TYW1: variants seen among roughly 807,000 people sequenced by gnomAD.
TYW1 encodes tRNA-yW synthesizing protein 1 homolog, also known as S-adenosyl-L-methionine-dependent tRNA 4-demethylwyosine synthase TYW1.
In TYW1, 46 loss-of-function variants were observed where a neutral mutation model predicts 96.2. The observed-to-expected ratio is 0.48, with a 90% confidence interval of 0.38 to 0.61. TYW1 has a LOEUF of 0.61. TYW1 is among the 20% of genes least tolerant of loss of function. The probability of loss-of-function intolerance (pLI) is 0.00; values close to 1 mark genes in which losing one functional copy is unlikely to be tolerated. For missense variants in TYW1, 684 were observed against 909.6 expected, an observed-to-expected ratio of 0.75 and a Z score of 3.19; for synonymous variants, 274 against 323.0, an observed-to-expected ratio of 0.85 and a Z score of 1.63.
Position 67,106,351 on chromosome 7 carries a change from T to C in TYW1, c.1562+7633T>C, listed in dbSNP as rs1797244148. Reference sequence around the variant, plus strand: ...CTTTGTTCCAGAACACTGTACCATCTGTGCATTCAGCTTTGCAGTCCTAGA... The same window carrying C: ...CTTTGTTCCAGAACACTGTACCATCCGTGCATTCAGCTTTGCAGTCCTAGA... On this transcript the variant is annotated intron_variant, in intron 12 of 15. Coordinates refer to ENST00000359626, the MANE Select transcript of TYW1 (RefSeq NM_018264.4). Among the ~76,000 whole-genome samples, 3 of 152,380 alleles carry C rather than the reference T, an allele frequency of 2.0e-5. No homozygotes were observed. In the South Asian group the frequency reaches 6.2e-4, roughly 32 times the overall value.
At chr7:67,131,884 AC>A (rs1299504123) in intron 13 of TYW1, among the ~76,000 whole-genome samples, 1 of 152,220 alleles carries the variant, frequency 6.6e-6, no homozygotes, top group African/African-American at 2.4e-5. Context: ...AGCATCCAGC[AC>A]GGGAGAAAGA....
At position 66,998,159 on chromosome 7, in the gene TYW1, C is replaced by T. The variant is rs773445171; in HGVS notation, c.99C>T (p.Ser33=). The change falls in exon 2 of 16, where the codon AGC becomes AGT. Residue 33 remains serine (S), a synonymous_variant. Transcript: ENST00000359626. ...YIYLGFAVSI[S]LWICVQIVIK... is the part of the protein sequence containing the mutation. ...ATTTGGGCTTTGCTGTTAGCATTAG[C>T]CTTTGGATTTGTGTCCAGATTGTCA... 1.1e-5 allele frequency: 18 copies of T among 1,610,768 alleles called. No homozygotes were observed. The highest frequency in any genetic ancestry group is 1.1e-5 in the South Asian group (1 of 90,062).
intron 10 of TYW1, among the ~76,000 whole-genome samples, chr7:67,077,847 G>A (rs1419187842): frequency 6.6e-6 from 1 of 152,058 alleles, no homozygotes; most frequent in Non-Finnish European, 1.5e-5. Context: ...TTTCCTCTGT[G>A]TTTTCACAGT....
chr7:67,237,031 A>G (rs1801910175), intron 15 of TYW1, among the ~76,000 whole-genome samples: 1 of 152,046 alleles, frequency 6.6e-6, no homozygotes, highest in Non-Finnish European at 1.5e-5. Context: ...GATTACATGC[A>G]CACACCACCA....
intron 12 of TYW1, among the ~76,000 whole-genome samples, chr7:67,112,100 C>CAAAAAAAAAAAAAAAAAAAAAAAA (rs538839042): frequency 2.7e-4 from 26 of 94,880 alleles, no homozygotes; most frequent in Admixed American, 1.5e-3. Flanking sequence ...CTCTGTCTGA[C>CAAAAAAAAAAAAAAAAAAAAAAAA]AAAAAAAAAA....
chr7:67,093,096 G>A (rs1244292390), intron 11 of TYW1, among the ~76,000 whole-genome samples: 2 of 152,148 alleles, frequency 1.3e-5, no homozygotes, highest in East Asian at 1.9e-4. Flanking sequence ...GAGCCCAGGA[G>A]ATTGAGACTG....
chr7:67,086,024 A>G (rs1343234055), intron 11 of TYW1, among the ~76,000 whole-genome samples: 1 of 151,952 alleles, frequency 6.6e-6, no homozygotes, highest in Non-Finnish European at 1.5e-5. Flanking sequence ...TGAATTTTCT[A>G]GGGAAAGTTG....
At chr7:67,036,040 CTT>C (rs34975904) in intron 7 of TYW1, among the ~76,000 whole-genome samples, 64 of 135,352 alleles carry the variant, frequency 4.7e-4, no homozygotes, top group African/African-American at 4.7e-4. Flanking sequence ...TTGATATTTC[CTT>C]TTTTTTTTTT....
At chr7:67,058,439 G>C (rs964883476) in intron 9 of TYW1, among the ~76,000 whole-genome samples, 1 of 152,070 alleles carries the variant, frequency 6.6e-6, no homozygotes, top group Non-Finnish European at 1.5e-5. Flanking sequence ...GAGTTGCTTG[G>C]GCAGATTCCT....
intron 13 of TYW1, among the ~76,000 whole-genome samples, chr7:67,149,737 T>TCTAC (rs905727180): frequency 1.4e-5 from 2 of 139,012 alleles, no homozygotes; most frequent in African/African-American, 2.8e-5. Flanking sequence ...TATCTATCTA[T>TCTAC]CTATCTATCT....
At chr7:67,092,055 C>T (rs1370104702) in intron 11 of TYW1, among the ~76,000 whole-genome samples, 2 of 152,182 alleles carry the variant, frequency 1.3e-5, no homozygotes, top group African/African-American at 4.8e-5. Context: ...TGGTCCTCCT[C>T]CCTGTCCTGT....
chr7:67,083,291 T>C, intron 10 of TYW1, 139 bp from the exon 11 acceptor site: 1 of 706,388 alleles, frequency 1.4e-6, no homozygotes. Context: ...AGTTGGAAAA[T>C]ACCACTATAC....
chr7:67,108,086 A>T (rs977949722), intron 12 of TYW1, among the ~76,000 whole-genome samples: 3 of 152,136 alleles, frequency 2.0e-5, no homozygotes, highest in African/African-American at 7.2e-5. Flanking sequence ...CATGTTGGCC[A>T]GGCTGGTCTC....
chr7:67,162,172 G>A (rs555101281), intron 13 of TYW1, among the ~76,000 whole-genome samples: 165 of 152,062 alleles, frequency 1.1e-3, no homozygotes, highest in African/African-American at 3.8e-3. Context: ...AAATTGGCCG[G>A]GCGTGGTGGC....
intron 13 of TYW1, among the ~76,000 whole-genome samples, chr7:67,180,960 C>A (rs1188901844): frequency 6.6e-6 from 1 of 151,928 alleles, no homozygotes; most frequent in Non-Finnish European, 1.5e-5. Flanking sequence ...TTTTTTTAGC[C>A]AGTAAGAGTA....
intron 12 of TYW1, among the ~76,000 whole-genome samples, chr7:67,109,055 C>A (rs28799078): frequency 6.6e-6 from 1 of 150,786 alleles, no homozygotes; most frequent in South Asian, 2.1e-4. Flanking sequence ...GGGCGGATCA[C>A]GAGGTCAGGA....
intron 12 of TYW1, among the ~76,000 whole-genome samples, chr7:67,116,053 CA>C (rs1448094926): frequency 5.3e-5 from 8 of 152,166 alleles, no homozygotes; most frequent in African/African-American, 1.9e-4. Flanking sequence ...AAGCCAGGCA[CA>C]GTGGCTCACG....
chr7:66,998,066 T>A lies in TYW1; in HGVS notation c.6T>A (p.Asp2Glu), dbSNP rs781400833. The A allele has an allele frequency of 1.9e-6, 3 of 1,581,848 alleles. No individual in the cohort carries two copies. In the African/African-American group the frequency reaches 4.1e-5, roughly 22 times the overall value. ...TTGTGTGTGTCATTTTAAATTTAGA[T>A]CCTTCTGCGGATACATGGGACCTCT... is the stretch of plus-strand genomic sequence containing the variant. M[D>E]PSADTWDLFS... The change falls in exon 2 of 16, where the codon GAT (aspartate) becomes GAA (glutamate). Residue 2 changes from aspartate to glutamate, a missense_variant and splice_region_variant. Physicochemically the swap from Asp to Glu is conservative, Grantham distance 45. Transcript: ENST00000359626.
At chr7:67,061,048 T>G (rs985824228) in intron 9 of TYW1, among the ~76,000 whole-genome samples, 7 of 152,168 alleles carry the variant, frequency 4.6e-5, no homozygotes, top group Non-Finnish European at 7.3e-5. Context: ...GCCAACAATG[T>G]GAAACCCCGT....
Sources: gnomAD v4.1 joint callset for allele counts (sites outside exome capture counted in the v4.1 genomes callset) on GRCh38, gnomAD v4.1.1 for gene constraint, MANE v1.5 for transcripts, NCBI Gene and HGNC (gene_info 2026-07-23, HGNC 2026-07-21) for gene names.